The following SLC25A13 variants were observed in gnomAD, a reference collection of about 807,000 sequenced individuals.
The protein encoded by SLC25A13 is electrogenic aspartate/glutamate antiporter SLC25A13, mitochondrial.
A neutral mutation model predicts 85.5 loss-of-function variants in SLC25A13; 70 were observed. The observed-to-expected ratio is 0.82, with a 90% confidence interval of 0.68 to 1.00. The LOEUF is 1.00. Ranked by LOEUF, SLC25A13 falls within the 50% of genes least tolerant of loss-of-function variation. The pLI is 0.00. For missense variants in SLC25A13, 765 were observed against 819.8 expected (o/e 0.93, Z 0.82); for synonymous variants, 259 against 288.7 (o/e 0.90, Z 1.04).
chr7:96,207,828 A>G (rs183469906), intron 5 of SLC25A13, among the ~76,000 whole-genome samples: 19 of 152,222 alleles, frequency 1.2e-4, no homozygotes, highest in African/African-American at 4.3e-4. Context: ...GGCAGCAGGG[A>G]CTGGGTTAGG....
intron 4 of SLC25A13, among the ~76,000 whole-genome samples, chr7:96,221,481 T>C (rs1796127538): frequency 6.6e-6 from 1 of 152,170 alleles, no homozygotes; most frequent in Non-Finnish European, 1.5e-5. Context: ...TGAAGAACTT[T>C]CCCCAAGTAA....
Position 96,199,620 on chromosome 7 carries a change from A to G in SLC25A13, c.469-6437T>C, listed in dbSNP as rs545461980. ...GCTATCTCTAAGGCAGTTCCACTCA[A>G]GTACATGAAAGGAGGCCCAATTTCT... is the stretch of plus-strand genomic sequence containing the variant. On this transcript the variant is annotated intron_variant, in intron 5 of 17. Transcript: ENST00000265631. 2.0e-5 allele frequency among the ~76,000 whole-genome samples: 3 copies of G among 152,272 alleles called. No homozygotes were observed. In the East Asian group the frequency reaches 5.8e-4, roughly 29 times the overall value.
chr7:96,184,492 AG>A, intron 10 of SLC25A13, 57 bp from the exon 11 acceptor site: 2 of 1,543,378 alleles, frequency 1.3e-6, no homozygotes, highest in Non-Finnish European at 1.8e-6. Context: ...AGAAGAAAGA[AG>A]AAGGTAGTTA....
chr7:96,177,417 A>G (rs1166301674), intron 11 of SLC25A13, among the ~76,000 whole-genome samples: 8 of 152,232 alleles, frequency 5.3e-5, no homozygotes, highest in Non-Finnish European at 8.8e-5. Flanking sequence ...ACTTTTCACA[A>G]TGTAATTTCT....
chr7:96,229,274 A>C (rs1796438564), intron 4 of SLC25A13, among the ~76,000 whole-genome samples: 1 of 152,158 alleles, frequency 6.6e-6, no homozygotes, highest in Non-Finnish European at 1.5e-5. Context: ...CACTTGGAGA[A>C]CTTTTATGTC....
At chr7:96,287,173 TG>T (rs1798923682) in intron 2 of SLC25A13, among the ~76,000 whole-genome samples, 1 of 152,200 alleles carries the variant, frequency 6.6e-6, no homozygotes, top group Non-Finnish European at 1.5e-5. Flanking sequence ...CAATACCATC[TG>T]TGATAAATGG....
At chr7:96,187,968 T>C (rs1794700902) in intron 9 of SLC25A13, among the ~76,000 whole-genome samples, 1 of 152,142 alleles carries the variant, frequency 6.6e-6, no homozygotes, top group African/African-American at 2.4e-5. Context: ...GGTCTAACCC[T>C]TTCATGGCCA....
chr7:96,197,456 A>C (rs776605315), intron 5 of SLC25A13, among the ~76,000 whole-genome samples: 9 of 152,158 alleles, frequency 5.9e-5, no homozygotes, highest in Non-Finnish European at 1.3e-4. Flanking sequence ...CCCAAGAGAC[A>C]AAGGAGGAAA....
intron 2 of SLC25A13, among the ~76,000 whole-genome samples, chr7:96,285,799 G>A (rs1249483537): frequency 1.3e-5 from 2 of 152,070 alleles, no homozygotes; most frequent in Non-Finnish European, 2.9e-5. Context: ...GAGTTTCCTG[G>A]TGTTTTATTT....
intron 11 of SLC25A13, among the ~76,000 whole-genome samples, chr7:96,177,543 C>A (rs1314966066): frequency 6.6e-6 from 1 of 152,192 alleles, no homozygotes; most frequent in African/African-American, 2.4e-5. Context: ...GTTACCTAAT[C>A]TCTTTGTATC....
intron 4 of SLC25A13, among the ~76,000 whole-genome samples, chr7:96,215,560 AC>A (rs1795863975): frequency 6.6e-6 from 1 of 152,118 alleles, no homozygotes; most frequent in Admixed American, 6.5e-5. Flanking sequence ...ATAAGAAAAA[AC>A]TGGTGCAGGG....
At chr7:96,179,286 A>G (rs762401920) in intron 11 of SLC25A13, among the ~76,000 whole-genome samples, 15 of 152,126 alleles carry the variant, frequency 9.9e-5, no homozygotes, top group South Asian at 2.1e-4. Flanking sequence ...GGTTTAATCT[A>G]TCTCCCTTGT....
chr7:96,277,816 G>A (rs1243009350), intron 2 of SLC25A13, among the ~76,000 whole-genome samples: 1 of 151,614 alleles, frequency 6.6e-6, no homozygotes, highest in Non-Finnish European at 1.5e-5. Flanking sequence ...AAAAAAAAGT[G>A]GAATTACGAA....
chr7:96,244,657 C>T (rs1797117232), intron 3 of SLC25A13, among the ~76,000 whole-genome samples: 1 of 152,170 alleles, frequency 6.6e-6, no homozygotes, highest in African/African-American at 2.4e-5. Flanking sequence ...TCTGTGCCCA[C>T]CCTGGCTCCA....
At chr7:96,285,234 A>AT (rs1271114202) in intron 2 of SLC25A13, among the ~76,000 whole-genome samples, 3 of 152,138 alleles carry the variant, frequency 2.0e-5, no homozygotes, top group Non-Finnish European at 4.4e-5. Flanking sequence ...GCCATTCTCC[A>AT]TTCCTCCTGC....
chr7:96,241,103 A>AAAGAAAGAAAGAAAGG (rs1491256244), intron 3 of SLC25A13, among the ~76,000 whole-genome samples: 1 of 140,642 alleles, frequency 7.1e-6, no homozygotes, highest in African/African-American at 2.6e-5. Context: ...AGAAAGAAAG[A>AAAGAAAGAAAGAAAGG]AAGGCACTTT....
chr7:96,252,475 G>A (rs1292534499), intron 3 of SLC25A13, among the ~76,000 whole-genome samples: 4 of 152,126 alleles, frequency 2.6e-5, no homozygotes, highest in African/African-American at 7.2e-5. Flanking sequence ...TATTAGGTAC[G>A]CAAATGGACT....
At position 96,279,784 on chromosome 7, in the gene SLC25A13, A is replaced by G. The variant is rs182911557; in HGVS notation, c.70-2446T>C. The stretch of plus-strand genomic sequence containing the variant: ...TTTTACCTTTAAGTTTTAGTACATT[A>G]GTACTTTATCTTTGTGTGTGATCTA... On this transcript the variant is annotated intron_variant, in intron 2 of 17. Transcript: ENST00000265631. 1.1e-3 allele frequency among the ~76,000 whole-genome samples: 163 copies of G among 152,310 alleles called. 1 individual carries two copies. Among genetic ancestry groups the G allele is most frequent in the South Asian group, 5.6e-3 (27 of 4,826 alleles).
In SLC25A13 at chr7:96,277,142, A is replaced by G. The variant is rs557782809; in HGVS notation, c.212+54T>C. On this transcript the variant is annotated intron_variant, in intron 3 of 17. Transcript: ENST00000265631. ...ATGACTTCCTGGTCATTAGAGCAAA[A>G]GAAAGCTGTTTCAAACAAAAAGAAT... The G allele has an allele frequency of 7.7e-5, 117 of 1,511,086 alleles. No homozygotes were observed. In the African/African-American group the frequency reaches 1.5e-3, roughly 20 times the overall value. The allele number at this position is 1,511,086 out of a possible 1,614,324, so 93.6% of individuals were successfully genotyped here.
Sources: allele counts gnomAD v4.1 joint callset (sites outside exome capture counted in the v4.1 genomes callset), GRCh38; gene constraint gnomAD v4.1.1; transcripts MANE v1.5; gene names NCBI Gene and HGNC (gene_info 2026-07-23, HGNC 2026-07-21).